WWOX: variants seen among roughly 807,000 people sequenced by gnomAD.
WWOX encodes WW domain-containing oxidoreductase.
A neutral mutation model predicts 46.2 loss-of-function variants in WWOX; 69 were observed. The observed-to-expected ratio is 1.49, with a 90% CI of 1.23 to 1.82. The LOEUF is 1.82. WWOX is among the 40% of genes most tolerant of loss of function. WWOX has a pLI of 0.00. For synonymous variants in WWOX, 359 were observed against 202.6 expected (o/e 1.77, Z -6.56); for missense variants, 919 against 542.6 (o/e 1.69, Z -6.89).
intron 8 of WWOX, among the ~76,000 whole-genome samples, chr16:78,548,141 C>G (rs1023017193): frequency 1.1e-4 from 12 of 110,692 alleles, no homozygotes; most frequent in Admixed American, 1.3e-4. Flanking sequence ...GGTGACAGAG[C>G]AAGACTGTCT....
chr16:78,329,792 G>A (rs1231052851), intron 5 of WWOX, among the ~76,000 whole-genome samples: 1 of 150,446 alleles, frequency 6.6e-6, no homozygotes, highest in East Asian at 2.0e-4. Context: ...TGTCACCCTG[G>A]CTCAAGTGCA....
chr16:78,514,638 G>A (rs537552402), intron 8 of WWOX, among the ~76,000 whole-genome samples: 6 of 152,234 alleles, frequency 3.9e-5, no homozygotes, highest in Non-Finnish European at 7.4e-5. Flanking sequence ...AGAGTTTCTT[G>A]ATGCATTTAA....
intron 8 of WWOX, among the ~76,000 whole-genome samples, chr16:78,439,534 G>A (rs979993574): frequency 3.3e-5 from 5 of 152,198 alleles, no homozygotes; most frequent in African/African-American, 9.7e-5. Context: ...TTAGTCCAGT[G>A]ACCAATGGAT....
At chr16:78,481,769 G>A (rs1223819925) in intron 8 of WWOX, among the ~76,000 whole-genome samples, 131 of 151,136 alleles carry the variant, frequency 8.7e-4, no homozygotes, top group African/African-American at 3.0e-3. Flanking sequence ...GTGTGTGCGC[G>A]CGCCTGCATG....
chr16:79,193,448 C>G (rs767697980), intron 8 of WWOX, among the ~76,000 whole-genome samples: 1 of 152,190 alleles, frequency 6.6e-6, no homozygotes, highest in Non-Finnish European at 1.5e-5. Context: ...GGAAAAAGAG[C>G]TTTGCCACCG....
At chr16:78,895,361 A>G (rs188908960) in intron 8 of WWOX, 1 of 152,306 alleles carries the variant, frequency 6.6e-6, no homozygotes, top group Non-Finnish European at 1.5e-5. Context: ...CCAGTACCCT[A>G]GAAACACAGC....
In WWOX at chr16:78,269,914, G is replaced by GTTTT. The variant is rs71137883; in HGVS notation, c.516+105640_516+105643dup. On this transcript the variant is annotated intron_variant, in intron 5 of 8. Transcript: ENST00000566780. Reference sequence around the variant, plus strand: ...AGGAAACATATCTATACATAAGGAAGTTTTTTTTTTTTTTTTTTACTTTCA... The same window carrying GTTTT: ...AGGAAACATATCTATACATAAGGAAGTTTTTTTTTTTTTTTTTTTTTTACTTTCA... Among the ~76,000 whole-genome samples, 715 of 125,662 alleles carry GTTTT rather than the reference G, an allele frequency of 5.7e-3. 8 individuals carry two copies. The highest frequency in any genetic ancestry group is 0.024 in the Middle Eastern group (5 of 210). 82.4% of individuals were successfully genotyped at this position (125,662 alleles called of 152,430 possible). A position where few individuals can be genotyped will look rare whatever the true frequency, so the allele number is the denominator to read the frequency against.
intron 8 of WWOX, among the ~76,000 whole-genome samples, chr16:78,596,935 A>G (rs763590673): frequency 6.6e-6 from 1 of 152,158 alleles, no homozygotes; most frequent in Non-Finnish European, 1.5e-5. Context: ...TATCCTCAAT[A>G]AACATGCGGT....
At chr16:78,701,334 C>T (rs1384739590) in intron 8 of WWOX, among the ~76,000 whole-genome samples, 3 of 152,086 alleles carry the variant, frequency 2.0e-5, no homozygotes, top group African/African-American at 7.2e-5. Context: ...GCCTTGGCCT[C>T]CCATAGTGCT....
chr16:78,293,994 A>AG (rs1416216473), intron 5 of WWOX, among the ~76,000 whole-genome samples: 1 of 148,842 alleles, frequency 6.7e-6, no homozygotes, highest in African/African-American at 2.5e-5. Flanking sequence ...AAAAAAAAAA[A>AG]AAAAAAAAAA....
chr16:78,913,854 T>A (rs2045176123), intron 8 of WWOX, among the ~76,000 whole-genome samples: 1 of 151,792 alleles, frequency 6.6e-6, no homozygotes, highest in African/African-American at 2.4e-5. Context: ...AGATACGGGG[T>A]CTTGCTATGT....
At chr16:78,412,977 T>C (rs2082717195) in intron 6 of WWOX, among the ~76,000 whole-genome samples, 1 of 152,222 alleles carries the variant, frequency 6.6e-6, no homozygotes, top group Admixed American at 6.5e-5. Context: ...TGTTCTGATT[T>C]TTCCTTACCT....
At chr16:78,873,857 T>C (rs2044178526) in intron 8 of WWOX, among the ~76,000 whole-genome samples, 1 of 152,142 alleles carries the variant, frequency 6.6e-6, no homozygotes, top group Non-Finnish European at 1.5e-5. Flanking sequence ...GGCCATGTGC[T>C]TAGTCCCTGG....
intron 8 of WWOX, among the ~76,000 whole-genome samples, chr16:79,067,638 G>T (rs1031513197): frequency 2.7e-4 from 28 of 102,262 alleles, no homozygotes; most frequent in African/African-American, 5.1e-4. Context: ...GGTGGGGGGC[G>T]GGGGGGGGCA....
At chr16:79,028,181 C>G (rs1475791165) in intron 8 of WWOX, among the ~76,000 whole-genome samples, 3 of 151,700 alleles carry the variant, frequency 2.0e-5, no homozygotes, top group Admixed American at 6.6e-5. Flanking sequence ...GATCTCCTGA[C>G]CTCATGATCC....
chr16:78,183,532 A>G (rs1418631992), intron 5 of WWOX, among the ~76,000 whole-genome samples: 4 of 152,190 alleles, frequency 2.6e-5, no homozygotes, highest in Admixed American at 2.6e-4. Flanking sequence ...GTGTTCCTGC[A>G]TATGCCTCTC....
intron 8 of WWOX, among the ~76,000 whole-genome samples, chr16:78,816,033 GC>G (rs1397950650): frequency 6.6e-6 from 1 of 152,170 alleles, no homozygotes. Flanking sequence ...AGTGGTCATA[GC>G]CAGAACATGG....
rs551893071 is a variant in WWOX, at chr16:78,696,048, T to G, written c.1056+263296T>G. 4.6e-5 allele frequency among the ~76,000 whole-genome samples: 7 copies of G among 152,276 alleles called. No individual in the cohort carries two copies. In the South Asian group the frequency reaches 1.2e-3, roughly 27 times the overall value. ...GGAGCCTGTAGGCTGCAGTCTGTGT[T>G]AAGCTTTCTGGGTGATTCTGATACA... On this transcript the variant is annotated intron_variant, in intron 8 of 8. Coordinates refer to ENST00000566780, the MANE Select transcript of WWOX (RefSeq NM_016373.4).
At chr16:78,357,659 C>G (rs1384892758) in intron 5 of WWOX, among the ~76,000 whole-genome samples, 2 of 152,154 alleles carry the variant, frequency 1.3e-5, no homozygotes, top group East Asian at 3.9e-4. Context: ...ATAGGATTAT[C>G]ATTGTTAGGA....
Sources: gnomAD v4.1 joint callset for allele counts (sites outside exome capture counted in the v4.1 genomes callset) on GRCh38, gnomAD v4.1.1 for gene constraint, MANE v1.5 for transcripts, NCBI Gene and HGNC (gene_info 2026-07-23, HGNC 2026-07-21) for gene names.